PPP1R12C: variants seen among roughly 807,000 people sequenced by gnomAD.
The protein encoded by PPP1R12C is protein phosphatase 1 regulatory subunit 12C, also known as leukocyte receptor cluster (LRC) encoded novel gene 3.
PPP1R12C carries 48 observed loss-of-function variants against 95.6 expected under a neutral mutation model. That is an observed-to-expected ratio of 0.50 (90% CI 0.40 to 0.64). The LOEUF is 0.64. PPP1R12C is among the 30% of genes least tolerant of loss of function. The pLI is 0.00. For synonymous variants in PPP1R12C, 480 were observed against 460.8 expected (o/e 1.04, Z -0.53); for missense variants, 1,057 against 1,083.3 (o/e 0.98, Z 0.34).
chr19:55,109,224 C>T lies in PPP1R12C; in HGVS notation c.571+3243G>A, dbSNP rs1338426663. 6.6e-6 allele frequency among the ~76,000 whole-genome samples: 1 copy of T among 152,228 alleles called. No homozygotes were observed. The highest frequency in any genetic ancestry group is 1.5e-5 in the Non-Finnish European group (1 of 68,042). ...CAAGCAATCTTCTCACCTCAGCCTA[C>T]TGAGTAGCTGGGAGCGTACGTGCAT... On this transcript the variant is annotated intron_variant, in intron 3 of 21. Coordinates refer to ENST00000263433, the MANE Select transcript of PPP1R12C (RefSeq NM_017607.4). The surrounding 1 kb of genome is among the most constrained non-coding windows in gnomAD (Gnocchi z 4.4).
chr19:55,098,047 A>G (rs1033352378), intron 6 of PPP1R12C, among the ~76,000 whole-genome samples: 14 of 152,084 alleles, frequency 9.2e-5, no homozygotes, highest in Non-Finnish European at 1.8e-4. Flanking sequence ...CAACCTTTCA[A>G]AAGAGGAAGC....
intron 4 of PPP1R12C, 64 bp downstream of exon 4, chr19:55,103,345 G>T: frequency 7.5e-7 from 1 of 1,334,374 alleles, no homozygotes; most frequent in Non-Finnish European, 9.8e-7. Context: ...TAAAAAGAAA[G>T]GGAAAGGACA....
chr19:55,103,296 G>A (rs1283820737), intron 4 of PPP1R12C, 113 bp downstream of exon 4: 3 of 1,092,694 alleles, frequency 2.7e-6, no homozygotes, highest in Non-Finnish European at 3.6e-6. Context: ...AGCTAAGGCT[G>A]TATTTAGAGG....
At chr19:55,104,400 G>A (rs2085015407) in intron 3 of PPP1R12C, among the ~76,000 whole-genome samples, 1 of 151,450 alleles carries the variant, frequency 6.6e-6, no homozygotes, top group Non-Finnish European at 1.5e-5. Flanking sequence ...GTATGAAGAT[G>A]CTGGATTAAG....
At position 55,102,773 on chromosome 19, in the gene PPP1R12C, C is replaced by A. The variant is rs184537123; in HGVS notation, c.731+636G>T. On this transcript the variant is annotated intron_variant, in intron 4 of 21. Coordinates refer to ENST00000263433, the MANE Select transcript of PPP1R12C (RefSeq NM_017607.4). ...CTGTACCTGATGACACCATTCTTTT[C>A]CGACTTACATGTACTGGGGTATATA... is the stretch of plus-strand genomic sequence containing the variant. Among the ~76,000 whole-genome samples, 20 of 152,292 alleles carry A rather than the reference C, an allele frequency of 1.3e-4. 1 individual carries two copies. The highest frequency in any genetic ancestry group is 5.9e-4 in the Admixed American group (9 of 15,282).
intron 3 of PPP1R12C, 162 bp downstream of exon 3, chr19:55,112,305 C>T (rs1373640788): frequency 1.6e-5 from 10 of 642,066 alleles, no homozygotes; most frequent in Non-Finnish European, 2.6e-5. Flanking sequence ...GGAGGCAGGC[C>T]CCTACACCCC....
At chr19:55,112,370 G>A (rs1176811411) in intron 3 of PPP1R12C, 97 bp downstream of exon 3, 9 of 1,068,684 alleles carry the variant, frequency 8.4e-6, no homozygotes, top group South Asian at 1.5e-5. Flanking sequence ...AGGAAGCAGG[G>A]TCAGCCTCGG....
At chr19:55,112,855 G>A (rs56367991) in intron 1 of PPP1R12C, 60 bp from the exon 2 acceptor site, 28,250 of 1,601,106 alleles carry the variant, frequency 0.018, 323 homozygotes, top group Non-Finnish European at 0.02. Flanking sequence ...CCAGCAAGTC[G>A]GGACTCCAGA....
intron 12 of PPP1R12C, 38 bp from the exon 13 acceptor site, chr19:55,094,473 G>T (rs1301407267): frequency 3.7e-6 from 6 of 1,611,610 alleles, no homozygotes; most frequent in Non-Finnish European, 5.1e-6. Context: ...GGGAACCTGG[G>T]GACCCTGTCC....
chr19:55,098,048 A>G (rs2084941982), intron 6 of PPP1R12C, among the ~76,000 whole-genome samples: 1 of 152,068 alleles, frequency 6.6e-6, no homozygotes, highest in South Asian at 2.1e-4. Context: ...AACCTTTCAA[A>G]AGAGGAAGCT....
Position 55,117,598 on chromosome 19 carries a change from C to T in PPP1R12C, c.-55G>A. ...GAGCGCCGAGCCCCAACCGCCGCCACCACCCGCCCGCCCGCCCGCCCCGGG... is the reference window on the plus strand; with the variant it reads ...GAGCGCCGAGCCCCAACCGCCGCCATCACCCGCCCGCCCGCCCGCCCCGGG... On this transcript the variant is annotated 5_prime_UTR_variant, in exon 1 of 22. The change creates a new upstream start codon in the 5' untranslated region. Coordinates refer to ENST00000263433, the MANE Select transcript of PPP1R12C (RefSeq NM_017607.4). 1 of 959,062 alleles carries T rather than the reference C, an allele frequency of 1.0e-6. No individual in the cohort carries two copies. The highest frequency in any genetic ancestry group is 1.2e-6 in the Non-Finnish European group (1 of 808,650). The allele number at this position is 959,062 out of a possible 1,614,324, so 59.4% of individuals were successfully genotyped here. A position where few individuals can be genotyped will look rare whatever the true frequency, so the allele number is the denominator to read the frequency against.
intron 3 of PPP1R12C, among the ~76,000 whole-genome samples, chr19:55,108,094 C>T (rs1264287896): frequency 6.6e-6 from 1 of 151,734 alleles, no homozygotes; most frequent in Non-Finnish European, 1.5e-5. Context: ...CATCGCTATG[C>T]CCGGCTAACT....
At chr19:55,102,902 CTA>C (rs1404493802) in intron 4 of PPP1R12C, among the ~76,000 whole-genome samples, 1 of 152,144 alleles carries the variant, frequency 6.6e-6, no homozygotes, top group Non-Finnish European at 1.5e-5. Context: ...ACTAGAAGTC[CTA>C]TATATTTTGA....
chr19:55,105,377 T>A lies in PPP1R12C; in HGVS notation c.572-1809A>T, dbSNP rs138065856. ...ACATCCTTCTGCAATTTGCTTCTTG[T>A]GTTCAACATGTTGCTGAGATCTGTC... On this transcript the variant is annotated intron_variant, in intron 3 of 21. Transcript: ENST00000263433. Among the ~76,000 whole-genome samples, 417 of 152,352 alleles carry A rather than the reference T, an allele frequency of 2.7e-3. 1 individual carries two copies. The highest frequency in any genetic ancestry group is 4.8e-3 in the Admixed American group (73 of 15,298).
At position 55,091,410 on chromosome 19, in the gene PPP1R12C, G is replaced by C; in HGVS notation, c.*62C>G. On this transcript the variant is annotated 3_prime_UTR_variant, in exon 22 of 22. Transcript: ENST00000263433. ...AGCCCTGTCACTCGTGTTCACACGGGGGAAGGGGTGCGTGTGGCAGAAGCA... is the reference window on the plus strand; with the variant it reads ...AGCCCTGTCACTCGTGTTCACACGGCGGAAGGGGTGCGTGTGGCAGAAGCA... The C allele has an allele frequency of 6.7e-7, 1 of 1,486,246 alleles. No individual in the cohort carries two copies. Among genetic ancestry groups the C allele is most frequent in the Non-Finnish European group, 9.3e-7 (1 of 1,075,986 alleles). 92.1% of individuals were successfully genotyped at this position (1,486,246 alleles called of 1,614,324 possible).
At position 55,091,473 on chromosome 19, in the gene PPP1R12C, C is replaced by T. The variant is rs1220080295; in HGVS notation, c.2348G>A (p.Ter783=). Residue 783 remains the stop codon, a stop_retained_variant, in exon 22 of 22, where the codon TGA becomes TAA. Transcript: ENST00000263433. The stretch of plus-strand genomic sequence containing the variant: ...CGGGTGCGGGAAAGTCCCTCCGGGT[C>T]ACTTGGAGAGTTTGCTGATGACGCG... ...LIRVISKLSK[*] is the part of the protein sequence containing the mutation. The T allele has an allele frequency of 6.2e-7, 1 of 1,613,702 alleles. No individual in the cohort carries two copies. Among genetic ancestry groups the T allele is most frequent in the Admixed American group, 1.7e-5 (1 of 60,006 alleles).
At chr19:55,099,243 G>T (rs566541599) in intron 4 of PPP1R12C, 148 bp from the exon 5 acceptor site, 1 of 919,766 alleles carries the variant, frequency 1.1e-6, no homozygotes, top group Non-Finnish European at 1.6e-6. Flanking sequence ...CCCAGCATCC[G>T]CTGCCACAAG....
Position 55,094,402 on chromosome 19 carries a change from C to G in PPP1R12C, c.1626G>C (p.Ser542=). The G allele has an allele frequency of 6.2e-7, 1 of 1,613,904 alleles. No homozygotes were observed. Among genetic ancestry groups the G allele is most frequent in the African/African-American group, 1.3e-5 (1 of 75,038 alleles). The change falls in exon 13 of 22, where the codon TCG becomes TCC. Residue 542 remains serine (S), a synonymous_variant. Coordinates refer to ENST00000263433, the MANE Select transcript of PPP1R12C (RefSeq NM_017607.4). ...GGGAGCGAGCTTTTCTCTGGGATTC[C>G]GACTCCTCATCCCGCACAGGCATCT... The part of the protein sequence containing the change: ...SYQMPVRDEE[S]ESQRKARSRL...
rs945908493 is a variant in PPP1R12C, at chr19:55,109,256, G to A, written c.571+3211C>T. ...GCTGGGAGCGTACGTGCATTCCCACGCCTGGCTAATGTGTTTTGTTTTATA... is the reference window on the plus strand; with the variant it reads ...GCTGGGAGCGTACGTGCATTCCCACACCTGGCTAATGTGTTTTGTTTTATA... On this transcript the variant is annotated intron_variant, in intron 3 of 21. Transcript: ENST00000263433. This position sits in a 1 kb window ranked among gnomAD's most constrained non-coding sequence, Gnocchi z 4.4. Among the ~76,000 whole-genome samples, 5 of 152,108 alleles carry A rather than the reference G, an allele frequency of 3.3e-5. No homozygotes were observed. Among genetic ancestry groups the A allele is most frequent in the East Asian group, 3.8e-4 (2 of 5,200 alleles).
Sources: allele counts gnomAD v4.1 joint callset (sites outside exome capture counted in the v4.1 genomes callset), GRCh38; gene constraint gnomAD v4.1.1; non-coding constraint Gnocchi (gnomAD v3.1); transcripts MANE v1.5; gene names NCBI Gene and HGNC (gene_info 2026-07-23, HGNC 2026-07-21).